SGK1: variants seen among roughly 807,000 people sequenced by gnomAD.
The protein encoded by SGK1 is serum/glucocorticoid regulated kinase 1, also known as serine/threonine-protein kinase Sgk1.
A neutral mutation model predicts 64.2 loss-of-function variants in SGK1; 26 were observed. The observed-to-expected ratio is 0.40, with a 90% confidence interval of 0.30 to 0.56. The LOEUF is 0.56. Among genes scored for constraint, SGK1 ranks in the 20% least tolerant of loss-of-function variants. The pLI is 0.38. For missense variants in SGK1, 519 were observed against 645.6 expected, an observed-to-expected ratio of 0.80 and a Z score of 2.12; for synonymous variants, 265 against 239.7, an observed-to-expected ratio of 1.11 and a Z score of -0.98.
At chr6:134,173,695 C>T in intron 5 of SGK1, 129 bp from the exon 6 acceptor site, 2 of 661,360 alleles carry the variant, frequency 3.0e-6, no homozygotes, top group East Asian at 5.5e-5. Context: ...TATAAACATT[C>T]AAAACTACAT....
At chr6:134,218,280 T>A (rs1582719169) in intron 2 of SGK1, among the ~76,000 whole-genome samples, 1 of 152,222 alleles carries the variant, frequency 6.6e-6, no homozygotes, top group South Asian at 2.1e-4. Context: ...AACTCAAATT[T>A]ATCCTCAATC....
intron 1 of SGK1, chr6:134,298,817 T>C (rs1344686791): frequency 3.7e-6 from 1 of 267,816 alleles, no homozygotes; most frequent in Non-Finnish European, 6.7e-6. Flanking sequence ...ATTTATTTAT[T>C]TGAGATGGAG....
At chr6:134,308,477 C>T (rs935908604) in intron 1 of SGK1, among the ~76,000 whole-genome samples, 37 of 152,166 alleles carry the variant, frequency 2.4e-4, no homozygotes, top group Non-Finnish European at 3.5e-4. Flanking sequence ...CTCTAACAAA[C>T]TCAGAGATAG....
chr6:134,212,067 T>TTTTTTTC (rs1554221193), intron 2 of SGK1, among the ~76,000 whole-genome samples: 4 of 148,370 alleles, frequency 2.7e-5, no homozygotes, highest in African/African-American at 1.0e-4. Flanking sequence ...TTGTTTTTTT[T>TTTTTTTC]GGGGGGGACG....
At chr6:134,214,871 A>G in intron 2 of SGK1, 1 of 298,486 alleles carries the variant, frequency 3.4e-6, no homozygotes, top group Admixed American at 4.1e-5. Flanking sequence ...TATGAGTCCT[A>G]GGAGGTAGAA....
intron 2 of SGK1, among the ~76,000 whole-genome samples, chr6:134,209,204 C>T (rs1384954785): frequency 6.6e-5 from 10 of 152,192 alleles, no homozygotes; most frequent in Middle Eastern, 3.4e-3. Flanking sequence ...GAGGCCGAGG[C>T]GGGCGGATCA....
At chr6:134,297,525 CAG>C (rs1256391861) in intron 1 of SGK1, 2 of 552,026 alleles carry the variant, frequency 3.6e-6, no homozygotes, top group Admixed American at 2.2e-5. Context: ...GTTTTTGAGA[CAG>C]AGTCTCACTC....
intron 2 of SGK1, 25 bp from the exon 3 acceptor site, chr6:134,207,456 G>A: frequency 6.5e-7 from 1 of 1,543,046 alleles, no homozygotes. Context: ...GAGAAAAGAA[G>A]TGATATAAAA....
chr6:134,295,466 C>T (rs368993836), intron 1 of SGK1, among the ~76,000 whole-genome samples: 113 of 152,152 alleles, frequency 7.4e-4, no homozygotes, highest in African/African-American at 2.6e-3. Context: ...CACTTTGGGA[C>T]GCCAAGGCAG....
intron 10 of SGK1, 180 bp downstream of exon 10, chr6:134,172,013 G>A (rs1481655792): frequency 1.3e-6 from 1 of 786,070 alleles, no homozygotes; most frequent in South Asian, 1.7e-5. Context: ...TTCAGTAAAG[G>A]AACAGAAGGA....
At chr6:134,315,038 G>A (rs1485159420) in intron 1 of SGK1, among the ~76,000 whole-genome samples, 6 of 152,040 alleles carry the variant, frequency 3.9e-5, no homozygotes, top group African/African-American at 1.4e-4. Flanking sequence ...TACTACATCT[G>A]GGAAAGGGAG....
chr6:134,176,951 C>T (rs1201001878), intron 3 of SGK1, among the ~76,000 whole-genome samples: 2 of 152,238 alleles, frequency 1.3e-5, no homozygotes, highest in African/African-American at 2.4e-5. Context: ...CGCAGTGGCT[C>T]ACGCCTGTAA....
At chr6:134,297,943 T>G (rs1219516909) in intron 1 of SGK1, 15 of 806,856 alleles carry the variant, frequency 1.9e-5, no homozygotes, top group Non-Finnish European at 3.3e-5. Flanking sequence ...TTGACCTCAG[T>G]GATGATGCCG....
chr6:134,247,679 G>A (rs891298301), intron 2 of SGK1, among the ~76,000 whole-genome samples: 2 of 152,142 alleles, frequency 1.3e-5, no homozygotes, highest in Non-Finnish European at 2.9e-5. Flanking sequence ...CTAGATTGAT[G>A]TACCATGCCT....
intron 2 of SGK1, among the ~76,000 whole-genome samples, chr6:134,230,832 G>A (rs1776266519): frequency 6.6e-6 from 1 of 152,106 alleles, no homozygotes; most frequent in African/African-American, 2.4e-5. Context: ...TGGCCAACAT[G>A]GTGAAACCCT....
At chr6:134,266,523 A>G (rs113806494) in intron 1 of SGK1, among the ~76,000 whole-genome samples, 5,180 of 152,144 alleles carry the variant, frequency 0.034, 190 homozygotes, top group African/African-American at 0.09. Context: ...GCTGAAGCAG[A>G]AGAACGGCTT....
At chr6:134,174,939 G>T (rs1191165575) in intron 3 of SGK1, 2 of 1,478,776 alleles carry the variant, frequency 1.4e-6, no homozygotes, top group Non-Finnish European at 1.8e-6. Flanking sequence ...GTGAGAAGTG[G>T]CCCCGCCCTT....
At chr6:134,253,868 C>T (rs1776641821) in intron 2 of SGK1, among the ~76,000 whole-genome samples, 1 of 152,120 alleles carries the variant, frequency 6.6e-6, no homozygotes, top group Admixed American at 6.6e-5. Flanking sequence ...GCCTTTAAAA[C>T]AGCACACAGT....
chr6:134,210,790 C>A (rs891562763), intron 2 of SGK1, among the ~76,000 whole-genome samples: 1 of 132,174 alleles, frequency 7.6e-6, no homozygotes, highest in Non-Finnish European at 1.5e-5. Context: ...CCTGCCTGGG[C>A]GACAGAGCAA....
Sources: gnomAD v4.1 joint callset for allele counts (sites outside exome capture counted in the v4.1 genomes callset) on GRCh38, gnomAD v4.1.1 for gene constraint, MANE v1.5 for transcripts, NCBI Gene and HGNC (gene_info 2026-07-23, HGNC 2026-07-21) for gene names.